The following MUC3A variants were observed in gnomAD, a reference collection of about 807,000 sequenced individuals.
MUC3A encodes mucin-3A.
MUC3A carries 109 observed loss-of-function variants against 109.0 expected under a neutral mutation model. The observed-to-expected ratio is 1.00, with a 90% CI of 0.86 to 1.17. The LOEUF (loss-of-function observed/expected upper bound fraction) is 1.17. Among genes scored for constraint, MUC3A ranks in the 50% most tolerant of loss-of-function variants. The pLI is 0.00. For synonymous variants in MUC3A, 1,398 were observed against 981.4 expected, an observed-to-expected ratio of 1.42 and a Z score of -7.93; for missense variants, 3,537 against 2,469.4, an observed-to-expected ratio of 1.43 and a Z score of -9.16.
chr7:100,965,879 T>C lies in MUC3A; in HGVS notation c.9611+13T>C, dbSNP rs1439407023. 3 of 1,586,270 alleles carry C rather than the reference T, an allele frequency of 1.9e-6. No individual in the cohort carries two copies. Among genetic ancestry groups the C allele is most frequent in the South Asian group, 1.1e-5 (1 of 89,508 alleles). On this transcript the variant is annotated intron_variant, in intron 8 of 11. Transcript: ENST00000379458. The stretch of plus-strand genomic sequence containing the variant: ...GTCCCACGTGTCGGTAAGGCCCCGC[T>C]CACCATCGGCATCAGCCGAGCCCCT...
At chr7:100,963,288 T>C (rs1584809999) in intron 4 of MUC3A, 22 bp downstream of exon 4, 1 of 53,466 alleles carries the variant, frequency 1.9e-5, no homozygotes, top group Non-Finnish European at 2.5e-5. Flanking sequence ...AGAGAGGGGA[T>C]TTTTTTTTTT....
At position 100,966,966 on chromosome 7, in the gene MUC3A, A is replaced by T; in HGVS notation, c.9930+15A>T. ...CCACTATGAAGGTGAGGGGCTAAAG[A>T]GGGGGACCCCAAGGAACTCTCCCAG... is the stretch of plus-strand genomic sequence containing the variant. On this transcript the variant is annotated intron_variant, in intron 11 of 11. Coordinates refer to ENST00000379458, the MANE Select transcript of MUC3A (RefSeq NM_005960.2). 6.3e-7 allele frequency: 1 copy of T among 1,598,558 alleles called. No homozygotes were observed. The highest frequency in any genetic ancestry group is 8.5e-7 in the Non-Finnish European group (1 of 1,179,832).
At position 100,959,524 on chromosome 7, in the gene MUC3A, C is replaced by G; in HGVS notation, c.7745C>G (p.Pro2582Arg). The G allele has an allele frequency of 6.3e-7, 1 of 1,590,888 alleles. No homozygotes were observed. The highest frequency in any genetic ancestry group is 8.5e-7 in the Non-Finnish European group (1 of 1,176,414). Reference sequence around the variant, plus strand: ...CCTGAAACCCCAACACAGACCCCTCCTGTACTGACGTCAGCCACTGGGACC... The same window carrying G: ...CCTGAAACCCCAACACAGACCCCTCGTGTACTGACGTCAGCCACTGGGACC... ...VIPETPTQTP[P>R]VLTSATGTQT... Residue 2582 changes from proline (P) to arginine (R), a missense_variant, in exon 2 of 12, where the codon CCT (proline) becomes CGT (arginine). By Grantham distance (103) the Pro-to-Arg change is moderately radical (BLOSUM62 -2). Transcript: ENST00000379458.
chr7:100,960,571 C>T lies in MUC3A; in HGVS notation c.8792C>T (p.Thr2931Ile). 2.2e-5 allele frequency: 35 copies of T among 1,598,738 alleles called. No homozygotes were observed. Among genetic ancestry groups the T allele is most frequent in the Non-Finnish European group, 3.0e-5 (35 of 1,179,812 alleles). Reference sequence around the variant, plus strand: ...CCAGTGGCCACTACCCAGACTCCTACCACCCTTACATCACGCAGGACAACT... The same window carrying T: ...CCAGTGGCCACTACCCAGACTCCTATCACCCTTACATCACGCAGGACAACT... The part of the protein sequence containing the change: ...ETPVATTQTP[T>I]TLTSRRTTRI... Residue 2931 changes from threonine to isoleucine, a missense_variant, in exon 2 of 12, where the codon ACC becomes ATC. Physicochemically the swap from Thr to Ile is moderately conservative, Grantham distance 89 (BLOSUM62 -1). Coordinates refer to ENST00000379458, the MANE Select transcript of MUC3A (RefSeq NM_005960.2).
rs1339632130 is a variant in MUC3A at position 100,959,665 on chromosome 7, T to A, written c.7886T>A (p.Val2629Asp). Residue 2629 changes from valine (V) to aspartate (D), a missense_variant, in exon 2 of 12, where the codon GTT becomes GAT. Coordinates refer to ENST00000379458, the MANE Select transcript of MUC3A (RefSeq NM_005960.2). The part of the protein sequence containing the change: ...ALSTIVSTSQ[V>D]PIPSTHSSTL... Reference sequence around the variant, plus strand: ...AGCACGATCGTGTCAACATCACAGGTTCCTATTCCTAGCACACATTCCTCC... The same window carrying A: ...AGCACGATCGTGTCAACATCACAGGATCCTATTCCTAGCACACATTCCTCC... 6.3e-7 allele frequency: 1 copy of A among 1,598,514 alleles called. No homozygotes were observed.
Position 100,953,853 on chromosome 7 carries a change from T to C in MUC3A, c.2074T>C (p.Leu692=). The change falls in exon 2 of 12, where the codon TTG becomes CTG. Residue 692 remains leucine (L), a synonymous_variant. Transcript: ENST00000379458. The part of the protein sequence containing the change: ...GTINTIPPSI[L]VTTLPTPNAS... ...CATAAACACAATCCCTCCATCTATC[T>C]TGGTGACCACACTCCCCACTCCAAA... 2.3e-6 allele frequency: 1 copy of C among 438,050 alleles called. No individual in the cohort carries two copies. The allele number at this position is 438,050 out of a possible 1,614,324, so 27.1% of individuals were successfully genotyped here. A position where few individuals can be genotyped will look rare whatever the true frequency, so the allele number is the denominator to read the frequency against.
intron 1 of MUC3A, among the ~76,000 whole-genome samples, chr7:100,951,171 G>A (rs917407593): frequency 1.2e-3 from 49 of 40,014 alleles, no homozygotes; most frequent in African/African-American, 4.7e-3. Flanking sequence ...TTTGTATTTT[G>A]TTTTAGTAGA....
chr7:100,964,324 G>A, intron 5 of MUC3A: 1 of 241,636 alleles, frequency 4.1e-6, no homozygotes, highest in Non-Finnish European at 7.9e-6. Context: ...GCCAGGCATG[G>A]TAGTGCACAC....
In MUC3A at chr7:100,966,505, C is replaced by G; in HGVS notation, c.9731C>G (p.Ala3244Gly). ...GCGCTGCTGGTGCTGCTGCTGCTGG[C>G]GCTGGGCGTCCGGGCGGTGCGCTCC... ...GAALLVLLLL[A>G]LGVRAVRSGW... Residue 3244 changes from alanine to glycine, a missense_variant, in exon 9 of 12, where the codon GCG becomes GGG. Ala to Gly is a moderately conservative substitution (Grantham distance 60). Coordinates refer to ENST00000379458, the MANE Select transcript of MUC3A (RefSeq NM_005960.2). 1 of 1,304,376 alleles carries G rather than the reference C, an allele frequency of 7.7e-7. No homozygotes were observed. The highest frequency in any genetic ancestry group is 9.7e-7 in the Non-Finnish European group (1 of 1,035,936). 80.8% of individuals were successfully genotyped at this position (1,304,376 alleles called of 1,614,324 possible).
chr7:100,961,079 C>T (rs1448230593), intron 3 of MUC3A, 142 bp downstream of exon 3: 170 of 1,528,686 alleles, frequency 1.1e-4, no homozygotes, highest in Non-Finnish European at 1.4e-4. Context: ...CCCATGCCCT[C>T]CGCTGCCCTG....
intron 3 of MUC3A, among the ~76,000 whole-genome samples, chr7:100,962,370 A>AT (rs1312897971): frequency 6.6e-6 from 1 of 152,262 alleles, no homozygotes; most frequent in African/African-American, 2.4e-5. Context: ...GTGAGCTATG[A>AT]TCCCCCTATT....
Position 100,967,662 on chromosome 7 carries a change from A to C in MUC3A, c.*500A>C. The C allele has an allele frequency of 4.3e-6, 1 of 231,568 alleles. No homozygotes were observed. Among genetic ancestry groups the C allele is most frequent in the South Asian group, 7.1e-5 (1 of 14,136 alleles). 14.3% of individuals were successfully genotyped at this position (231,568 alleles called of 1,614,324 possible). A position where few individuals can be genotyped will look rare whatever the true frequency, so the allele number is the denominator to read the frequency against. ...TGGAGGCAGCCTGCAGCCCCATCCC[A>C]TCTCCTGCCCTCTCCTGATCTAACT... is the stretch of plus-strand genomic sequence containing the variant. On this transcript the variant is annotated 3_prime_UTR_variant, in exon 12 of 12. Coordinates refer to ENST00000379458, the MANE Select transcript of MUC3A (RefSeq NM_005960.2).
In MUC3A at chr7:100,960,017, C is replaced by T. The variant is rs753264458; in HGVS notation, c.8238C>T (p.Ser2746=). ...SATTSTSSTS[S]SLTTALTEIT... ...CTACCAGCACTTCTTCAACCAGCTC[C>T]TCTCTGACCACAGCTCTCACTGAAA... The change falls in exon 2 of 12, where the codon TCC becomes TCT. Residue 2746 remains serine, a synonymous_variant. Transcript: ENST00000379458. 4 of 1,508,420 alleles carry T rather than the reference C, an allele frequency of 2.7e-6. No individual in the cohort carries two copies. Among genetic ancestry groups the T allele is most frequent in the South Asian group, 1.3e-5 (1 of 74,450 alleles). 93.4% of individuals were successfully genotyped at this position (1,508,420 alleles called of 1,614,324 possible).
chr7:100,958,196 C>G lies in MUC3A; in HGVS notation c.6417C>G (p.His2139Gln), dbSNP rs1792153158. ...TCACCACCACTGAGAACGCCACACA[C>G]AGTACTCCCAACTTCACTTCTTCAA... ...SSITTTENAT[H>Q]STPNFTSSIT... Residue 2139 changes from histidine to glutamine, a missense_variant, in exon 2 of 12, where the codon CAC (histidine) becomes CAG (glutamine). Coordinates refer to ENST00000379458, the MANE Select transcript of MUC3A (RefSeq NM_005960.2). 259 of 842,824 alleles carry G rather than the reference C, an allele frequency of 3.1e-4. No individual in the cohort carries two copies. Among genetic ancestry groups the G allele is most frequent in the Non-Finnish European group, 3.9e-4 (217 of 559,436 alleles). The allele number at this position is 842,824 out of a possible 1,614,324, so 52.2% of individuals were successfully genotyped here. A position where few individuals can be genotyped will look rare whatever the true frequency, so the allele number is the denominator to read the frequency against.
chr7:100,961,548 C>T (rs138124791), intron 3 of MUC3A, among the ~76,000 whole-genome samples: 1,109 of 151,178 alleles, frequency 7.3e-3, no homozygotes, highest in African/African-American at 0.025. Context: ...GCTGATTACG[C>T]CGGGCGGGGT....
chr7:100,964,907 C>G, intron 6 of MUC3A, 64 bp downstream of exon 6: 1 of 1,515,722 alleles, frequency 6.6e-7, no homozygotes, highest in Non-Finnish European at 8.9e-7. Context: ...TCCAGCTCAG[C>G]CAGGGGGCCA....
In MUC3A at chr7:100,966,885, C is replaced by A; in HGVS notation, c.9878-14C>A. 1 of 1,521,442 alleles carries A rather than the reference C, an allele frequency of 6.6e-7. No individual in the cohort carries two copies. Among genetic ancestry groups the A allele is most frequent in the Non-Finnish European group, 8.9e-7 (1 of 1,123,212 alleles). 94.2% of individuals were successfully genotyped at this position (1,521,442 alleles called of 1,614,324 possible). Reference sequence around the variant, plus strand: ...CCTCTCCCCTTCTCTTTCTCCGCTCCTCTCTCTCTCTAGACAAGGATACAA... The same window carrying A: ...CCTCTCCCCTTCTCTTTCTCCGCTCATCTCTCTCTCTAGACAAGGATACAA... On this transcript the variant is annotated splice_polypyrimidine_tract_variant and intron_variant, in intron 10 of 11. Transcript: ENST00000379458.
rs764123091 is a variant in MUC3A at position 100,960,581 on chromosome 7, ATC to A, written c.8803_8804del (p.Ser2935ThrfsTer24). On this transcript the variant is annotated frameshift_variant, in exon 2 of 12. Coordinates refer to ENST00000379458, the MANE Select transcript of MUC3A (RefSeq NM_005960.2). LOFTEE classifies it high-confidence loss of function. ...CTACCCAGACTCCTACCACCCTTAC[ATC>A]ACGCAGGACAACTCGCATCACTTCT... is the stretch of plus-strand genomic sequence containing the variant. ...ATTQTPTTLT[S>X]RRTTRITSQM... 129,456 of 1,170,968 alleles carry A rather than the reference ATC, an allele frequency of 0.11. No homozygotes were observed. Among genetic ancestry groups the A allele is most frequent in the East Asian group, 0.24 (8,089 of 33,050 alleles). 72.5% of individuals were successfully genotyped at this position (1,170,968 alleles called of 1,614,324 possible).
chr7:100,957,211 G>T lies in MUC3A; in HGVS notation c.5432G>T (p.Ser1811Ile). ...GTCCCAAGTACAGAAGCGATCACCAGTGGTACCACAAACACCACCCCTCTA... is the reference window on the plus strand; with the variant it reads ...GTCCCAAGTACAGAAGCGATCACCATTGGTACCACAAACACCACCCCTCTA... Reference protein sequence around the residue: ...TPVPSTEAITSGTTNTTPLST... With the variant: ...TPVPSTEAITIGTTNTTPLST... The change falls in exon 2 of 12, where the codon AGT (serine) becomes ATT (isoleucine). Residue 1811 changes from serine to isoleucine, a missense_variant. Coordinates refer to ENST00000379458, the MANE Select transcript of MUC3A (RefSeq NM_005960.2). The T allele has an allele frequency of 2.1e-6, 1 of 471,436 alleles. No homozygotes were observed. The highest frequency in any genetic ancestry group is 3.7e-6 in the Non-Finnish European group (1 of 270,902). 29.2% of individuals were successfully genotyped at this position (471,436 alleles called of 1,614,324 possible).
Sources: allele counts gnomAD v4.1 joint callset (sites outside exome capture counted in the v4.1 genomes callset), GRCh38; gene constraint gnomAD v4.1.1; transcripts MANE v1.5; gene names NCBI Gene and HGNC (gene_info 2026-07-23, HGNC 2026-07-21).